ZFYVE16: variants seen among roughly 807,000 people sequenced by gnomAD.
ZFYVE16 encodes zinc finger FYVE domain-containing protein 16.
A neutral mutation model predicts 138.1 loss-of-function variants in ZFYVE16; 89 were observed. That is an observed-to-expected ratio of 0.64 (90% CI 0.54 to 0.77). The LOEUF is 0.77. Ranked by LOEUF, ZFYVE16 falls within the 30% of genes least tolerant of loss-of-function variation. The pLI, the probability that ZFYVE16 is intolerant of heterozygous loss-of-function variation, is 0.00. For synonymous variants in ZFYVE16, 596 were observed against 618.3 expected (o/e 0.96, Z 0.53); for missense variants, 1,793 against 1,786.7 (o/e 1.00, Z -0.06).
Position 80,448,182 on chromosome 5 carries a change from A to G in ZFYVE16, c.2881A>G (p.Thr961Ala), listed in dbSNP as rs558476608. ...GAACACAGGAAATGAGGGGTTACCT[A>G]CTTCTGGTTCATTTACACTAGATGA... ...SMNTGNEGLP[T>A]SGSFTLDDDV... The change falls in exon 8 of 19, where the codon ACT becomes GCT. Residue 961 changes from threonine to alanine, a missense_variant. Thr to Ala is a moderately conservative substitution (Grantham distance 58, BLOSUM62 0). Transcript: ENST00000505560. The G allele has an allele frequency of 2.4e-5, 38 of 1,613,960 alleles. No individual in the cohort carries two copies. The highest frequency in any genetic ancestry group is 5.5e-5 in the South Asian group (5 of 91,070).
chr5:80,476,092 T>G (rs1228218352), intron 18 of ZFYVE16, among the ~76,000 whole-genome samples: 2 of 152,082 alleles, frequency 1.3e-5, no homozygotes, highest in African/African-American at 4.8e-5. Context: ...TACAGGCATG[T>G]GCCACCACAC....
At chr5:80,416,277 A>G (rs1180090173) in intron 1 of ZFYVE16, among the ~76,000 whole-genome samples, 3 of 120,660 alleles carry the variant, frequency 2.5e-5, no homozygotes, top group African/African-American at 1.0e-4. Flanking sequence ...TTTTTTTGAG[A>G]CAAAGTCTCG....
At chr5:80,418,971 C>T (rs1554037074) in intron 1 of ZFYVE16, among the ~76,000 whole-genome samples, 1 of 151,604 alleles carries the variant, frequency 6.6e-6, no homozygotes. Context: ...TCATATTTTT[C>T]ATAGAGATGT....
chr5:80,449,828 G>C (rs1751793645), intron 9 of ZFYVE16, 115 bp downstream of exon 9: 1 of 1,187,832 alleles, frequency 8.4e-7, no homozygotes, highest in African/African-American at 1.6e-5. Context: ...ATTGGATATT[G>C]GTTTTTCAGC....
chr5:80,452,444 A>G (rs1458616304), intron 11 of ZFYVE16: 1 of 148,788 alleles, frequency 6.7e-6, no homozygotes, highest in African/African-American at 2.6e-5. Context: ...AAAAAAAAAA[A>G]AAAAAAAAAA....
At chr5:80,422,277 A>G (rs533113064) in intron 1 of ZFYVE16, among the ~76,000 whole-genome samples, 2 of 152,284 alleles carry the variant, frequency 1.3e-5, no homozygotes, top group East Asian at 3.9e-4. Flanking sequence ...ATTATGTTGA[A>G]TAGGAGTCAT....
chr5:80,451,971 T>C (rs1014154287), intron 11 of ZFYVE16: 21 of 384,252 alleles, frequency 5.5e-5, no homozygotes, highest in Middle Eastern at 7.1e-4. Flanking sequence ...CAGAAAACTT[T>C]CACAGTGCAG....
intron 15 of ZFYVE16, among the ~76,000 whole-genome samples, chr5:80,460,122 T>A (rs1752949275): frequency 6.6e-6 from 1 of 152,194 alleles, no homozygotes; most frequent in African/African-American, 2.4e-5. Flanking sequence ...TATATAAAAT[T>A]TATGATTGGT....
chr5:80,479,507 A>G lies in ZFYVE16; in HGVS notation c.*2130A>G, dbSNP rs1416401232. Among the ~76,000 whole-genome samples the G allele has an allele frequency of 1.3e-5, 2 of 152,218 alleles. No homozygotes were observed. The highest frequency in any genetic ancestry group is 2.9e-5 in the Non-Finnish European group (2 of 68,030). On this transcript the variant is annotated 3_prime_UTR_variant, in exon 19 of 19. Transcript: ENST00000505560. ...TTATGGATTCCATGCCACAAGTAGT[A>G]TGCGCTTAAGTGCAGAGCATGCCAA...
chr5:80,472,621 G>T, intron 15 of ZFYVE16, 140 bp from the exon 16 acceptor site: 1 of 898,346 alleles, frequency 1.1e-6, no homozygotes, highest in Non-Finnish European at 1.6e-6. Context: ...ATTTCCTAGT[G>T]GAAAACAACC....
rs116476721 is a variant in ZFYVE16 at position 80,471,928 on chromosome 5, A to G, written c.4025-833A>G. 9.2e-3 allele frequency among the ~76,000 whole-genome samples: 1,403 copies of G among 152,246 alleles called. 29 individuals are homozygous for G. Among genetic ancestry groups the G allele is most frequent in the African/African-American group, 0.032 (1,335 of 41,538 alleles). On this transcript the variant is annotated intron_variant, in intron 15 of 18. Transcript: ENST00000505560. ...CTCAGTCTTCAAATCTATTTTGCCTATAGATTTTGTAAGGGCTTCGTTTTG... is the reference window on the plus strand; with the variant it reads ...CTCAGTCTTCAAATCTATTTTGCCTGTAGATTTTGTAAGGGCTTCGTTTTG...
chr5:80,449,661 T>G lies in ZFYVE16; in HGVS notation c.3174T>G (p.Pro1058=), dbSNP rs1388292867. The part of the protein sequence containing the change: ...ILLLEGESFH[P]VTFVLNANLL... ...TTCTTGAAGGTGAAAGCTTTCATCC[T>G]GTTACATTTGTCCTAAATGCTAATC... The change falls in exon 9 of 19, where the codon CCT becomes CCG. Residue 1058 remains proline, a synonymous_variant. Transcript: ENST00000505560. 5.0e-6 allele frequency: 8 copies of G among 1,610,094 alleles called. No individual in the cohort carries two copies. Among genetic ancestry groups the G allele is most frequent in the Non-Finnish European group, 6.8e-6 (8 of 1,178,138 alleles).
In ZFYVE16 at chr5:80,438,995, A is replaced by G. The variant is rs755604800; in HGVS notation, c.2310A>G (p.Arg770=). The G allele has an allele frequency of 6.2e-7, 1 of 1,602,364 alleles. No individual in the cohort carries two copies. The highest frequency in any genetic ancestry group is 8.5e-7 in the Non-Finnish European group (1 of 1,174,538). Residue 770 remains arginine (R), a synonymous_variant, in exon 4 of 19, where the codon CGA becomes CGG. Transcript: ENST00000505560. ...FTFTKRRHHC[R]ACGKVFCGVC... ...TTACCAAACGGCGACACCATTGCCG[A>G]GCATGTGGGAAAGTAAGTTATAAAA...
At chr5:80,445,231 T>C (rs752795711) in intron 6 of ZFYVE16, 32 bp from the exon 7 acceptor site, 1 of 1,600,354 alleles carries the variant, frequency 6.2e-7, no homozygotes, top group Admixed American at 1.7e-5. Context: ...TATTACCAGA[T>C]TCAAATGTTT....
At chr5:80,434,239 G>T in intron 3 of ZFYVE16, 22 bp downstream of exon 3, 2 of 1,610,958 alleles carry the variant, frequency 1.2e-6, no homozygotes, top group Non-Finnish European at 1.7e-6. Flanking sequence ...TTCCATTTTT[G>T]CCGCTAATGG....
intron 6 of ZFYVE16, among the ~76,000 whole-genome samples, chr5:80,444,779 T>G (rs1580252000): frequency 6.6e-6 from 1 of 151,876 alleles, no homozygotes; most frequent in Admixed American, 6.6e-5. Flanking sequence ...GAAGAATATA[T>G]AGATAAGCAA....
intron 1 of ZFYVE16, among the ~76,000 whole-genome samples, chr5:80,419,792 C>G (rs1659213548): frequency 6.6e-6 from 1 of 150,792 alleles, no homozygotes; most frequent in South Asian, 2.1e-4. Flanking sequence ...GGGAAGAATT[C>G]ATGTCTTTGG....
At chr5:80,408,674 T>C (rs975930156) in intron 1 of ZFYVE16, among the ~76,000 whole-genome samples, 12 of 152,254 alleles carry the variant, frequency 7.9e-5, no homozygotes, top group Admixed American at 6.5e-4. Flanking sequence ...GCAGTGGCCG[T>C]CTTTCCCGCT....
intron 7 of ZFYVE16, among the ~76,000 whole-genome samples, chr5:80,447,164 C>T (rs898637025): frequency 1.6e-4 from 23 of 147,678 alleles, no homozygotes; most frequent in South Asian, 8.7e-4. Context: ...CTAGGGGAGA[C>T]GGAGGCAGGA....
Sources: gnomAD v4.1 joint callset for allele counts (sites outside exome capture counted in the v4.1 genomes callset) on GRCh38, gnomAD v4.1.1 for gene constraint, MANE v1.5 for transcripts, NCBI Gene and HGNC (gene_info 2026-07-23, HGNC 2026-07-21) for gene names.